Variants in MACROD2 observed in about 807,000 individuals in gnomAD.
MACROD2 encodes the protein mono-ADP ribosylhydrolase 2, also known as ADP-ribose glycohydrolase MACROD2.
A neutral mutation model predicts 70.4 loss-of-function variants in MACROD2; 36 were observed. The observed-to-expected ratio is 0.51, with a 90% confidence interval of 0.39 to 0.68. The LOEUF (loss-of-function observed/expected upper bound fraction) is 0.68. Ranked by LOEUF, MACROD2 falls within the 30% of genes least tolerant of loss-of-function variation. The pLI is 0.00. For synonymous variants in MACROD2, 172 were observed against 178.8 expected (o/e 0.96, Z 0.30); for missense variants, 496 against 538.4 (o/e 0.92, Z 0.78).
intron 5 of MACROD2, among the ~76,000 whole-genome samples, chr20:15,026,277 C>G (rs1459787649): frequency 1.3e-5 from 2 of 152,110 alleles, no homozygotes; most frequent in Admixed American, 6.5e-5. Flanking sequence ...AGATTCTTTT[C>G]TAATACCCAT....
intron 8 of MACROD2, among the ~76,000 whole-genome samples, chr20:15,752,434 T>C (rs1023864775): frequency 1.3e-5 from 2 of 152,112 alleles, no homozygotes; most frequent in African/African-American, 4.8e-5. Flanking sequence ...TCTTTAGTTG[T>C]GATTTCTCTT....
chr20:14,409,995 G>A (rs2083732817), intron 3 of MACROD2, among the ~76,000 whole-genome samples: 1 of 152,114 alleles, frequency 6.6e-6, no homozygotes, highest in South Asian at 2.1e-4. Context: ...ACTCTTTCTT[G>A]AGGGCTTTCT....
At chr20:16,044,856 C>T (rs978165985) in intron 17 of MACROD2, among the ~76,000 whole-genome samples, 2 of 152,110 alleles carry the variant, frequency 1.3e-5, no homozygotes, top group African/African-American at 2.4e-5. Context: ...ACAGCACATT[C>T]AAATCATGTA....
chr20:14,436,519 CA>C (rs1420258710), intron 3 of MACROD2, among the ~76,000 whole-genome samples: 1 of 152,190 alleles, frequency 6.6e-6, no homozygotes, highest in Non-Finnish European at 1.5e-5. Flanking sequence ...CCTTAACCAT[CA>C]CCCTGTATTG....
intron 3 of MACROD2, among the ~76,000 whole-genome samples, chr20:14,309,911 C>G (rs2082551685): frequency 6.6e-6 from 1 of 152,162 alleles, no homozygotes. Context: ...TGTTATTGTG[C>G]TAGTATTTCC....
chr20:14,357,347 C>G (rs1385981148), intron 3 of MACROD2, among the ~76,000 whole-genome samples: 1 of 152,098 alleles, frequency 6.6e-6, no homozygotes, highest in Non-Finnish European at 1.5e-5. Flanking sequence ...CTTTTCATTT[C>G]TTTTGAATAT....
intron 12 of MACROD2, among the ~76,000 whole-genome samples, chr20:15,944,959 C>G (rs551267861): frequency 1.2e-4 from 18 of 152,102 alleles, no homozygotes; most frequent in Non-Finnish European, 2.4e-4. Flanking sequence ...CATTCAATCA[C>G]TCAGAGAGTA....
At chr20:15,585,202 C>CTTT (rs397865605) in intron 8 of MACROD2, among the ~76,000 whole-genome samples, 1 of 139,572 alleles carries the variant, frequency 7.2e-6, no homozygotes, top group Non-Finnish European at 1.5e-5. Flanking sequence ...TCTTTTTTTT[C>CTTT]TTTTTTTTTT....
intron 9 of MACROD2, among the ~76,000 whole-genome samples, chr20:15,869,238 T>G (rs6135578): frequency 0.32 from 9,377 of 28,870 alleles, 1,633 homozygotes; most frequent in East Asian, 0.52. Flanking sequence ...TATATATATA[T>G]AGAGAGAGAG....
At chr20:15,173,172 AG>A (rs2076435641) in intron 5 of MACROD2, among the ~76,000 whole-genome samples, 2 of 152,070 alleles carry the variant, frequency 1.3e-5, no homozygotes, top group African/African-American at 4.8e-5. Context: ...CTAGACTCAA[AG>A]AAATTATCCA....
chr20:14,275,711 A>T (rs2082246936), intron 3 of MACROD2, among the ~76,000 whole-genome samples: 1 of 152,234 alleles, frequency 6.6e-6, no homozygotes, highest in African/African-American at 2.4e-5. Flanking sequence ...AGAATGGGAG[A>T]AAATTTTCAC....
chr20:15,623,658 C>T (rs1014211270), intron 8 of MACROD2, among the ~76,000 whole-genome samples: 1 of 151,476 alleles, frequency 6.6e-6, no homozygotes, highest in Non-Finnish European at 1.5e-5. Context: ...TCTTGCTTAA[C>T]TAAGTTTAGC....
intron 3 of MACROD2, among the ~76,000 whole-genome samples, chr20:14,411,655 C>T (rs1301661645): frequency 6.6e-6 from 1 of 152,122 alleles, no homozygotes; most frequent in Non-Finnish European, 1.5e-5. Flanking sequence ...TGCCAAGCTT[C>T]CCATACTGGT....
chr20:14,855,402 G>T (rs1192763140), intron 5 of MACROD2, among the ~76,000 whole-genome samples: 2 of 152,132 alleles, frequency 1.3e-5, no homozygotes, highest in African/African-American at 4.8e-5. Context: ...AAAGGGACCT[G>T]GCGGGGGAAG....
chr20:14,176,954 A>G (rs1178549185), intron 3 of MACROD2, among the ~76,000 whole-genome samples: 1 of 152,220 alleles, frequency 6.6e-6, no homozygotes, highest in Admixed American at 6.5e-5. Context: ...TCAAATCCTT[A>G]AGAATTAGTT....
intron 1 of MACROD2, among the ~76,000 whole-genome samples, chr20:13,999,909 G>T (rs1191626849): frequency 6.6e-6 from 1 of 152,126 alleles, no homozygotes; most frequent in South Asian, 2.1e-4. Context: ...AGCTACTCAG[G>T]AGGCTGAGGC....
intron 5 of MACROD2, among the ~76,000 whole-genome samples, chr20:15,227,698 C>T (rs1002821373): frequency 4.6e-5 from 7 of 152,082 alleles, no homozygotes; most frequent in African/African-American, 1.7e-4. Context: ...AGGTTTCAAT[C>T]GTCAACTGTA....
intron 2 of MACROD2, among the ~76,000 whole-genome samples, chr20:14,072,509 G>C (rs990161741): frequency 6.6e-6 from 1 of 152,052 alleles, no homozygotes; most frequent in South Asian, 2.1e-4. Context: ...CCAGCTGTGT[G>C]TACTTGGTCA....
intron 5 of MACROD2, among the ~76,000 whole-genome samples, chr20:14,859,799 C>T (rs1465180292): frequency 6.6e-6 from 1 of 152,090 alleles, no homozygotes; most frequent in Non-Finnish European, 1.5e-5. Context: ...CATGTTAGAT[C>T]TTTGCTATGG....
Sources: allele counts gnomAD v4.1 joint callset (sites outside exome capture counted in the v4.1 genomes callset), GRCh38; gene constraint gnomAD v4.1.1; transcripts MANE v1.5; gene names NCBI Gene and HGNC (gene_info 2026-07-23, HGNC 2026-07-21).